The following RAG1 variants were observed in gnomAD, a reference collection of about 807,000 sequenced individuals.
The protein encoded by RAG1 is V(D)J recombination-activating protein 1.
A neutral mutation model predicts 62.7 loss-of-function variants in RAG1; 35 were observed. The observed-to-expected ratio is 0.56, with a 90% confidence interval of 0.43 to 0.74. The LOEUF is 0.74. Ranked by LOEUF, RAG1 falls within the 30% of genes least tolerant of loss-of-function variation. The pLI, the probability that RAG1 is intolerant of heterozygous loss-of-function variation, is 0.00. For missense variants in RAG1, 1,169 were observed against 1,278.6 expected (o/e 0.91, Z 1.31); for synonymous variants, 461 against 470.3 (o/e 0.98, Z 0.26).
chr11:36,570,129 T>C (rs1850718562), intron 1 of RAG1, among the ~76,000 whole-genome samples: 1 of 152,202 alleles, frequency 6.6e-6, no homozygotes, highest in South Asian at 2.1e-4. Context: ...TGTCTTTATA[T>C]AAATATTGTT....
downstream of RAG1, among the ~76,000 whole-genome samples, chr11:36,539,413 T>C (rs1426456446): frequency 6.6e-6 from 1 of 152,142 alleles, no homozygotes; most frequent in Admixed American, 6.5e-5. Context: ...GTGACTAATA[T>C]AGACTCTGTC....
chr11:36,543,591 A>G (rs4756327), intron 3 of RAG1, among the ~76,000 whole-genome samples: 149,027 of 152,328 alleles, frequency 0.98, 72,966 homozygotes, highest in Non-Finnish European at 1. Context: ...TCTTGGAGGC[A>G]CTTACCAGCC....
Position 36,573,927 on chromosome 11 carries a change from C to T in RAG1, c.623C>T (p.Thr208Ile). ...RNVTMEWHPH[T>I]PSCDICNTAR... ...GTGACCATGGAGTGGCACCCCCACA[C>T]ACCATCCTGTGACATCTGCAACACT... Residue 208 changes from threonine (T) to isoleucine (I), a missense_variant, in exon 2 of 2, where the codon ACA (threonine) becomes ATA (isoleucine). Coordinates refer to ENST00000299440, the MANE Select transcript of RAG1 (RefSeq NM_000448.3). 1 of 1,614,168 alleles carries T rather than the reference C, an allele frequency of 6.2e-7. No individual in the cohort carries two copies. The highest frequency in any genetic ancestry group is 1.3e-5 in the African/African-American group (1 of 75,034).
chr11:36,560,772 C>A (rs1475424695), intron 3 of RAG1, among the ~76,000 whole-genome samples: 1 of 152,126 alleles, frequency 6.6e-6, no homozygotes, highest in East Asian at 1.9e-4. Context: ...TCCTGACTAC[C>A]TTTCCCCCTT....
At chr11:36,532,385 A>G (rs1472031971) in intron 2 of RAG1, among the ~76,000 whole-genome samples, 1 of 152,144 alleles carries the variant, frequency 6.6e-6, no homozygotes, top group Non-Finnish European at 1.5e-5. Context: ...ATATTTTACA[A>G]AAATGGTACC....
chr11:36,523,136 A>C (rs772475219), intron 2 of RAG1, among the ~76,000 whole-genome samples: 13 of 152,158 alleles, frequency 8.5e-5, no homozygotes, highest in Non-Finnish European at 1.5e-4. Context: ...TGAAGATACG[A>C]TATTTGGGAG....
chr11:36,576,334 T>C lies in RAG1; in HGVS notation c.3030T>C (p.Asn1010=), dbSNP rs1483534620. 3 of 1,614,030 alleles carry C rather than the reference T, an allele frequency of 1.9e-6. No homozygotes were observed. The highest frequency in any genetic ancestry group is 1.1e-5 in the South Asian group (1 of 91,092). Residue 1010 remains asparagine (N), a synonymous_variant, in exon 2 of 2, where the codon AAT becomes AAC. Transcript: ENST00000299440. ...KYLQKFMNAH[N]ALKTSGFTMN... is the part of the protein sequence containing the mutation. ...TCCAGAAGTTTATGAATGCTCATAA[T>C]GCATTAAAAACCTCTGGGTTTACCA...
chr11:36,522,156 C>A (rs967180937), intron 2 of RAG1, among the ~76,000 whole-genome samples: 6 of 152,172 alleles, frequency 3.9e-5, no homozygotes, highest in Non-Finnish European at 7.3e-5. Context: ...ATCTCCAAGA[C>A]AATGGAAAAA....
In RAG1 at chr11:36,576,222, G is replaced by A. The variant is rs1384545687; in HGVS notation, c.2918G>A (p.Arg973His). 5.0e-6 allele frequency: 8 copies of A among 1,613,956 alleles called. No individual in the cohort carries two copies. The highest frequency in any genetic ancestry group is 1.6e-4 in the Middle Eastern group (1 of 6,084). The change falls in exon 2 of 2, where the codon CGC becomes CAC. Residue 973 changes from arginine (R) to histidine (H), a missense_variant. Transcript: ENST00000299440. ...GNESGNKLFR[R>H]FRKMNARQSK... The stretch of plus-strand genomic sequence containing the variant: ...GAGTCTGGTAACAAACTGTTTAGGC[G>A]CTTCCGGAAAATGAATGCCAGGCAG...
Position 36,573,353 on chromosome 11 carries a change from G to A in RAG1, c.49G>A (p.Glu17Lys), listed in dbSNP as rs1850776774. Residue 17 changes from glutamate to lysine, a missense_variant, in exon 2 of 2, where the codon GAA becomes AAA. By Grantham distance (56) the Glu-to-Lys change is moderately conservative. Coordinates refer to ENST00000299440, the MANE Select transcript of RAG1 (RefSeq NM_000448.3). ...PTLGLSSAPD[E>K]IQHPHIKFSE... ...CTTGGGACTCAGTTCTGCCCCAGAT[G>A]AAATTCAGCACCCACATATTAAATT... 2.5e-6 allele frequency: 4 copies of A among 1,614,074 alleles called. No homozygotes were observed. Among genetic ancestry groups the A allele is most frequent in the Non-Finnish European group, 3.4e-6 (4 of 1,180,036 alleles).
At chr11:36,515,867 C>A (rs574094951) in intron 1 of RAG1, among the ~76,000 whole-genome samples, 1 of 152,292 alleles carries the variant, frequency 6.6e-6, no homozygotes, top group Non-Finnish European at 1.5e-5. Context: ...ATTTCCAAGA[C>A]AACGAGTTTT....
Position 36,573,394 on chromosome 11 carries a change from T to G in RAG1, c.90T>G (p.Phe30Leu). Residue 30 changes from phenylalanine (F) to leucine (L), a missense_variant, in exon 2 of 2, where the codon TTT (phenylalanine) becomes TTG (leucine). Coordinates refer to ENST00000299440, the MANE Select transcript of RAG1 (RefSeq NM_000448.3). ...ATATTAAATTTTCAGAATGGAAATT[T>G]AAGCTGTTCCGGGTGAGATCCTTTG... ...HPHIKFSEWKFKLFRVRSFEK... is the reference protein window; with the variant it reads ...HPHIKFSEWKLKLFRVRSFEK... 6.2e-7 allele frequency: 1 copy of G among 1,614,110 alleles called. No homozygotes were observed. Among genetic ancestry groups the G allele is most frequent in the South Asian group, 1.1e-5 (1 of 91,076 alleles).
chr11:36,549,504 C>G (rs1055503373), intron 3 of RAG1, among the ~76,000 whole-genome samples: 1 of 152,126 alleles, frequency 6.6e-6, no homozygotes, highest in Non-Finnish European at 1.5e-5. Flanking sequence ...ATTTATGCAG[C>G]CAACAAACAA....
chr11:36,537,891 C>G (rs558320369), downstream of RAG1, among the ~76,000 whole-genome samples: 25 of 152,244 alleles, frequency 1.6e-4, no homozygotes, highest in South Asian at 5.2e-3. Flanking sequence ...ATTTTCATCT[C>G]TTTATTCATT....
At chr11:36,561,598 G>T (rs532078399) in intron 3 of RAG1, among the ~76,000 whole-genome samples, 18 of 152,262 alleles carry the variant, frequency 1.2e-4, no homozygotes, top group African/African-American at 4.3e-4. Flanking sequence ...CCTATGAGGT[G>T]GGCATCATGC....
chr11:36,522,370 G>A (rs995587280), intron 2 of RAG1, among the ~76,000 whole-genome samples: 7 of 152,206 alleles, frequency 4.6e-5, no homozygotes, highest in East Asian at 1.9e-4. Flanking sequence ...TTCAGAGGGC[G>A]CAAGCCCCAA....
intron 2 of RAG1, among the ~76,000 whole-genome samples, chr11:36,522,318 A>G (rs2133696242): frequency 6.6e-6 from 1 of 152,326 alleles, no homozygotes; most frequent in South Asian, 2.1e-4. Context: ...CAACTGCTCC[A>G]GCCATGACTA....
intron 1 of RAG1, among the ~76,000 whole-genome samples, chr11:36,518,346 G>T (rs1001863414): frequency 6.6e-6 from 1 of 152,124 alleles, no homozygotes; most frequent in Non-Finnish European, 1.5e-5. Context: ...AATCCTTTGG[G>T]TATATACCCA....
chr11:36,542,789 G>T (rs1024334962), intron 3 of RAG1, among the ~76,000 whole-genome samples: 3 of 152,096 alleles, frequency 2.0e-5, no homozygotes, highest in Admixed American at 2.0e-4. Context: ...GATAAACCAT[G>T]TTTTGAATTT....
Sources: allele counts gnomAD v4.1 joint callset (sites outside exome capture counted in the v4.1 genomes callset), GRCh38; gene constraint gnomAD v4.1.1; transcripts MANE v1.5; gene names NCBI Gene and HGNC (gene_info 2026-07-23, HGNC 2026-07-21).